SPECC1L: variants seen among roughly 807,000 people sequenced by gnomAD.
The protein encoded by SPECC1L is cytospin-A.
Under a neutral mutation model 116.8 loss-of-function variants are expected in SPECC1L, and 40 were observed. The ratio of observed to expected loss-of-function variants is 0.34; its 90% CI spans 0.27 to 0.45. The LOEUF (loss-of-function observed/expected upper bound fraction) is 0.45. SPECC1L is among the 20% of genes least tolerant of loss of function. The probability of loss-of-function intolerance (pLI) is 1.00; values close to 1 mark genes in which losing one functional copy is unlikely to be tolerated. For missense variants in SPECC1L, 1,110 were observed against 1,373.6 expected (o/e 0.81, Z 3.03); for synonymous variants, 504 against 500.6 (o/e 1.01, Z -0.09).
intron 10 of SPECC1L, among the ~76,000 whole-genome samples, chr22:24,343,067 G>T (rs991300605): frequency 2.6e-5 from 4 of 152,064 alleles, no homozygotes; most frequent in Admixed American, 2.6e-4. Context: ...GGTGGTGTGT[G>T]CCTGTAGTCC....
rs982931644 is a variant in SPECC1L, at chr22:24,340,691, T to C, written c.2652+2214T>C. ...ATACTTATGAGCTACATTCAGTAGC[T>C]TTTTAGTACATGATTAGTTAGTACA... On this transcript the variant is annotated intron_variant, in intron 10 of 16. Transcript: ENST00000314328. Among the ~76,000 whole-genome samples, 6 of 151,898 alleles carry C rather than the reference T, an allele frequency of 4.0e-5. No homozygotes were observed. In the East Asian group the frequency reaches 7.7e-4, roughly 19 times the overall value.
chr22:24,308,394 A>G (rs1242504158), intron 3 of SPECC1L, among the ~76,000 whole-genome samples: 3 of 152,208 alleles, frequency 2.0e-5, no homozygotes, highest in East Asian at 1.9e-4. Flanking sequence ...TGACATTTCT[A>G]AGGAGCGAAA....
intron 2 of SPECC1L, among the ~76,000 whole-genome samples, chr22:24,288,615 C>CTTTTTTTTTTTTTTTT (rs756714389): frequency 8.1e-5 from 5 of 61,678 alleles, no homozygotes; most frequent in South Asian, 6.6e-4. Context: ...AAATTTTAAG[C>CTTTTTTTTTTTTTTTT]TTTTTTTTTT....
At chr22:24,311,937 C>T (rs889775973) in intron 3 of SPECC1L, among the ~76,000 whole-genome samples, 4 of 136,580 alleles carry the variant, frequency 2.9e-5, no homozygotes, top group African/African-American at 8.1e-5. Context: ...CTGTTTAATT[C>T]ATTGAAAATA....
At chr22:24,328,761 T>C in intron 6 of SPECC1L, 85 bp from the exon 7 acceptor site, 1 of 1,067,920 alleles carries the variant, frequency 9.4e-7, no homozygotes, top group Non-Finnish European at 1.4e-6. Context: ...TTTTCGAATG[T>C]CATATTTAAG....
At chr22:24,340,418 A>G (rs1266325300) in intron 10 of SPECC1L, among the ~76,000 whole-genome samples, 1 of 152,202 alleles carries the variant, frequency 6.6e-6, no homozygotes, top group Non-Finnish European at 1.5e-5. Flanking sequence ...AAGTGCTGGG[A>G]TTACAGGCGT....
chr22:24,352,357 A>G (rs546164920), intron 11 of SPECC1L, among the ~76,000 whole-genome samples: 35 of 152,308 alleles, frequency 2.3e-4, no homozygotes, highest in Middle Eastern at 3.4e-3. Context: ...GAAGCCTGGG[A>G]TTGCCCAGTG....
At chr22:24,311,851 T>G (rs1042663819) in intron 3 of SPECC1L, among the ~76,000 whole-genome samples, 2 of 151,190 alleles carry the variant, frequency 1.3e-5, no homozygotes, top group African/African-American at 4.9e-5. Context: ...TCCTTGAAAT[T>G]AATGCAGTGT....
chr22:24,319,367 G>A (rs909954034), intron 4 of SPECC1L, among the ~76,000 whole-genome samples: 1 of 152,194 alleles, frequency 6.6e-6, no homozygotes, highest in South Asian at 2.1e-4. Context: ...CGGCTGTCAT[G>A]AGAACTCACT....
At chr22:24,288,166 G>A (rs1329028248) in intron 2 of SPECC1L, among the ~76,000 whole-genome samples, 1 of 152,136 alleles carries the variant, frequency 6.6e-6, no homozygotes, top group African/African-American at 2.4e-5. Context: ...ACGATTTACA[G>A]AAAGACAAAC....
chr22:24,324,166 G>A, intron 5 of SPECC1L, 54 bp from the exon 6 acceptor site: 34 of 1,469,902 alleles, frequency 2.3e-5, no homozygotes, highest in Non-Finnish European at 3.1e-5. Context: ...ATTCTGGAAC[G>A]TACCTTAGAA....
At position 24,321,934 on chromosome 22, in the gene SPECC1L, C is replaced by T. The variant is rs747000420; in HGVS notation, c.954C>T (p.Ala318=). 1.2e-6 allele frequency: 2 copies of T among 1,614,164 alleles called. No individual in the cohort carries two copies. The highest frequency in any genetic ancestry group is 1.7e-6 in the Non-Finnish European group (2 of 1,180,030). ...GTLTSSVEGS[A]PGSVEDLLSQ... is the part of the protein sequence containing the mutation. ...TGACTTCTTCAGTGGAAGGCTCTGC[C>T]CCTGGCTCAGTGGAGGATCTCTTGA... is the stretch of plus-strand genomic sequence containing the variant. The change falls in exon 5 of 17, where the codon GCC becomes GCT. Residue 318 remains alanine, a synonymous_variant. Transcript: ENST00000314328.
Position 24,417,650 on chromosome 22 carries a change from C to A in SPECC1L, c.*3027C>A, listed in dbSNP as rs2042827436. 1 of 152,206 alleles carries A rather than the reference C, an allele frequency of 6.6e-6. No homozygotes were observed. The highest frequency in any genetic ancestry group is 2.4e-5 in the African/African-American group (1 of 41,438). 9.4% of individuals were successfully genotyped at this position (152,206 alleles called of 1,614,324 possible). A position where few individuals can be genotyped will look rare whatever the true frequency, so the allele number is the denominator to read the frequency against. Reference sequence around the variant, plus strand: ...TTGTTTGTTTTGAGGCATGTATCATCTTGGAAATAATTGTCAGGATGTATA... The same window carrying A: ...TTGTTTGTTTTGAGGCATGTATCATATTGGAAATAATTGTCAGGATGTATA... On this transcript the variant is annotated 3_prime_UTR_variant, in exon 17 of 17. Coordinates refer to ENST00000314328, the MANE Select transcript of SPECC1L (RefSeq NM_015330.6).
chr22:24,318,126 G>C (rs1310406190), intron 4 of SPECC1L, among the ~76,000 whole-genome samples: 1 of 151,450 alleles, frequency 6.6e-6, no homozygotes, highest in Admixed American at 6.5e-5. Context: ...GGGTGGGGCC[G>C]GGCAGAGGCT....
At chr22:24,273,393 C>G (rs1280673226) in intron 1 of SPECC1L, among the ~76,000 whole-genome samples, 1 of 152,188 alleles carries the variant, frequency 6.6e-6, no homozygotes, top group East Asian at 1.9e-4. Flanking sequence ...GAAGGACTAT[C>G]TTTTCTTTAA....
intron 14 of SPECC1L, among the ~76,000 whole-genome samples, chr22:24,376,138 C>T (rs1054193232): frequency 2.0e-5 from 3 of 152,100 alleles, no homozygotes; most frequent in African/African-American, 2.4e-5. Flanking sequence ...AAAGAAAAGG[C>T]ATCCAGATAG....
chr22:24,317,315 A>C (rs1172192172), intron 4 of SPECC1L, among the ~76,000 whole-genome samples: 6 of 34,644 alleles, frequency 1.7e-4, no homozygotes, highest in Admixed American at 3.6e-4. Flanking sequence ...CGGGGGGCTG[A>C]CCCCCCCCAC....
At chr22:24,412,321 C>G (rs991145000) in intron 15 of SPECC1L, 6 of 429,084 alleles carry the variant, frequency 1.4e-5, no homozygotes, top group Non-Finnish European at 2.6e-5. Flanking sequence ...GTGGGGGAAG[C>G]TCATTTGATG....
At chr22:24,346,882 A>G (rs11912242) in intron 10 of SPECC1L, among the ~76,000 whole-genome samples, 3,800 of 152,290 alleles carry the variant, frequency 0.025, 156 homozygotes, top group South Asian at 0.12. Context: ...ATATGAGTCT[A>G]TAATTACCCC....
Sources: gnomAD v4.1 joint callset for allele counts (sites outside exome capture counted in the v4.1 genomes callset) on GRCh38, gnomAD v4.1.1 for gene constraint, MANE v1.5 for transcripts, NCBI Gene and HGNC (gene_info 2026-07-23, HGNC 2026-07-21) for gene names.